Variants in DAB1 observed in about 807,000 individuals in gnomAD.
DAB1 encodes the protein disabled homolog 1.
In DAB1, 15 loss-of-function variants were observed where a neutral mutation model predicts 64.6. The observed-to-expected ratio is 0.23, with a 90% CI of 0.16 to 0.36. The LOEUF is 0.36. DAB1 is among the 10% of genes least tolerant of loss of function. The pLI is 1.00. For missense variants in DAB1, 596 were observed against 706.7 expected (o/e 0.84, Z 1.78); for synonymous variants, 235 against 251.9 (o/e 0.93, Z 0.64).
intron 7 of DAB1, among the ~76,000 whole-genome samples, chr1:57,564,495 A>C (rs1240487707): frequency 6.6e-6 from 1 of 152,204 alleles, no homozygotes. Context: ...GAGCTAAAGG[A>C]GGAAGTCTGA....
chr1:57,634,606 C>T (rs1387617486), intron 7 of DAB1, among the ~76,000 whole-genome samples: 3 of 152,070 alleles, frequency 2.0e-5, no homozygotes, highest in South Asian at 2.1e-4. Context: ...AGATTTGGTT[C>T]GAAGCTGAAA....
intron 7 of DAB1, among the ~76,000 whole-genome samples, chr1:57,535,619 C>T (rs547594533): frequency 1.3e-5 from 2 of 151,906 alleles, no homozygotes; most frequent in East Asian, 3.9e-4. Flanking sequence ...CGCGCCACCA[C>T]GCCTGGCTAA....
intron 5 of DAB1, among the ~76,000 whole-genome samples, chr1:57,961,406 C>T (rs1645518297): frequency 6.6e-6 from 1 of 152,128 alleles, no homozygotes; most frequent in African/African-American, 2.4e-5. Flanking sequence ...AGAACTCCGC[C>T]TGTGATCTTG....
chr1:58,129,357 TA>T (rs1653363941), intron 5 of DAB1, among the ~76,000 whole-genome samples: 1 of 146,736 alleles, frequency 6.8e-6, no homozygotes, highest in Non-Finnish European at 1.5e-5. Context: ...TTTTTTTCTT[TA>T]TTAGTCTTGC....
upstream of DAB1, among the ~76,000 whole-genome samples, chr1:57,424,489 G>A (rs1189661274): frequency 1.3e-5 from 2 of 152,192 alleles, no homozygotes; most frequent in African/African-American, 4.8e-5. Flanking sequence ...AGAGGGTAAG[G>A]GAGGGGGGTT....
intron 7 of DAB1, among the ~76,000 whole-genome samples, chr1:57,621,553 G>T (rs1645859729): frequency 6.6e-6 from 1 of 151,922 alleles, no homozygotes; most frequent in East Asian, 1.9e-4. Flanking sequence ...GAGGGTTTAG[G>T]CTGGGGACTC....
At chr1:57,916,026 T>C (rs1303620386) in intron 5 of DAB1, among the ~76,000 whole-genome samples, 1 of 152,210 alleles carries the variant, frequency 6.6e-6, no homozygotes, top group Non-Finnish European at 1.5e-5. Flanking sequence ...TGCCAGTTCT[T>C]GAACTGGACT....
intron 5 of DAB1, among the ~76,000 whole-genome samples, chr1:58,133,436 C>G (rs1196438790): frequency 1.3e-5 from 2 of 152,150 alleles, no homozygotes; most frequent in Non-Finnish European, 2.9e-5. Flanking sequence ...TCTGGGTTAT[C>G]TTTCATAATC....
intron 1 of DAB1, among the ~76,000 whole-genome samples, chr1:57,337,010 C>A (rs1677133818): frequency 3.3e-5 from 5 of 152,134 alleles, no homozygotes; most frequent in Admixed American, 2.6e-4. Flanking sequence ...AGTGTGTTAT[C>A]CAATCAGTGA....
intron 5 of DAB1, among the ~76,000 whole-genome samples, chr1:58,134,810 T>C (rs1481101972): frequency 1.3e-5 from 2 of 152,170 alleles, no homozygotes; most frequent in African/African-American, 4.8e-5. Context: ...CACTGGGGAT[T>C]ACAATTCAAC....
chr1:58,322,213 T>C (rs1232423208), intron 4 of DAB1, among the ~76,000 whole-genome samples: 1 of 152,082 alleles, frequency 6.6e-6, no homozygotes, highest in Non-Finnish European at 1.5e-5. Context: ...CCAAAAGTAA[T>C]GGCAACAAAA....
At chr1:57,568,817 T>A (rs1645155786) in intron 7 of DAB1, among the ~76,000 whole-genome samples, 2 of 152,082 alleles carry the variant, frequency 1.3e-5, no homozygotes, top group Admixed American at 1.3e-4. Flanking sequence ...GGAACACTTT[T>A]ACACTGTTGG....
intron 2 of DAB1, among the ~76,000 whole-genome samples, chr1:58,513,487 G>A (rs752047753): frequency 1.3e-5 from 2 of 152,214 alleles, no homozygotes; most frequent in African/African-American, 2.4e-5. Context: ...GTAAGTACAC[G>A]AAGAAAGAAT....
At chr1:58,446,724 A>G (rs1298418762) in intron 3 of DAB1, among the ~76,000 whole-genome samples, 1 of 152,188 alleles carries the variant, frequency 6.6e-6, no homozygotes, top group East Asian at 1.9e-4. Flanking sequence ...TGTAATTTTT[A>G]TTATTGTTAC....
At chr1:57,613,342 C>T (rs1645750973) in intron 7 of DAB1, among the ~76,000 whole-genome samples, 1 of 152,194 alleles carries the variant, frequency 6.6e-6, no homozygotes, top group Non-Finnish European at 1.5e-5. Context: ...AACACCTACC[C>T]ATGAGGCACT....
At chr1:57,059,178 T>A (rs1221741402) in intron 9 of DAB1, among the ~76,000 whole-genome samples, 3 of 152,198 alleles carry the variant, frequency 2.0e-5, no homozygotes, top group Non-Finnish European at 4.4e-5. Context: ...AAGGGTTTTG[T>A]ATAAGTGTCT....
chr1:58,272,654 G>C (rs1014499251), intron 4 of DAB1, among the ~76,000 whole-genome samples: 1 of 145,104 alleles, frequency 6.9e-6, no homozygotes, highest in African/African-American at 2.6e-5. Context: ...TAATGCGTGG[G>C]AGTCTAAGTC....
intron 4 of DAB1, among the ~76,000 whole-genome samples, chr1:58,152,001 A>G (rs1654965268): frequency 6.6e-6 from 1 of 152,184 alleles, no homozygotes; most frequent in Non-Finnish European, 1.5e-5. Flanking sequence ...CAAGATACGA[A>G]AAAGCACAGA....
chr1:57,795,044 G>A (rs1460573214), intron 6 of DAB1, among the ~76,000 whole-genome samples: 1 of 152,174 alleles, frequency 6.6e-6, no homozygotes, highest in African/African-American at 2.4e-5. Context: ...AATGGTCAAT[G>A]GAATGACCCA....
Sources: allele counts gnomAD v4.1 joint callset (sites outside exome capture counted in the v4.1 genomes callset), GRCh38; gene constraint gnomAD v4.1.1; transcripts MANE v1.5; gene names NCBI Gene and HGNC (gene_info 2026-07-23, HGNC 2026-07-21).